PITPNM2: variants seen among roughly 807,000 people sequenced by gnomAD.
PITPNM2 encodes phosphatidylinositol transfer protein membrane associated 2.
Under a neutral mutation model 132.2 loss-of-function variants are expected in PITPNM2, and 35 were observed. The ratio of observed to expected loss-of-function variants is 0.26; its 90% CI spans 0.20 to 0.35. The LOEUF (loss-of-function observed/expected upper bound fraction) is 0.35. Ranked by LOEUF, PITPNM2 falls within the 10% of genes least tolerant of loss-of-function variation. The pLI is 1.00. For synonymous variants in PITPNM2, 738 were observed against 799.2 expected (o/e 0.92, Z 1.29); for missense variants, 1,332 against 1,912.0 (o/e 0.70, Z 5.66).
intron 5 of PITPNM2, among the ~76,000 whole-genome samples, chr12:123,012,210 C>T (rs2039237925): frequency 6.6e-6 from 1 of 152,242 alleles, no homozygotes; most frequent in Non-Finnish European, 1.5e-5. Flanking sequence ...GGGCCCATCC[C>T]CTACATGTCA....
At chr12:123,104,551 T>C (rs1013609581) in intron 2 of PITPNM2, among the ~76,000 whole-genome samples, 2 of 152,148 alleles carry the variant, frequency 1.3e-5, no homozygotes, top group African/African-American at 4.8e-5. Context: ...GAAAGTCCTT[T>C]TCCTGGCTCA....
At chr12:123,013,608 G>A (rs1231958905) in intron 4 of PITPNM2, among the ~76,000 whole-genome samples, 1 of 152,228 alleles carries the variant, frequency 6.6e-6, no homozygotes, top group Non-Finnish European at 1.5e-5. Flanking sequence ...CACGTAGGCA[G>A]TCAGGAGGCA....
intron 2 of PITPNM2, among the ~76,000 whole-genome samples, chr12:123,049,137 A>AACACACAC (rs35784732): frequency 6.8e-6 from 1 of 146,778 alleles, no homozygotes. Flanking sequence ...CTGTCTCTAA[A>AACACACAC]ACACACACAC....
At chr12:123,113,199 T>C (rs1415476161) in intron 1 of PITPNM2, among the ~76,000 whole-genome samples, 1 of 152,168 alleles carries the variant, frequency 6.6e-6, no homozygotes, top group Non-Finnish European at 1.5e-5. Context: ...GCTGCCGAAG[T>C]TAAACACTGC....
rs1213566882 is a variant in PITPNM2, at chr12:123,078,815, C to T, written c.-96+31570G>A. 6.6e-6 allele frequency among the ~76,000 whole-genome samples: 1 copy of T among 152,204 alleles called. No individual in the cohort carries two copies. Among genetic ancestry groups the T allele is most frequent in the African/African-American group, 2.4e-5 (1 of 41,454 alleles). On this transcript the variant is annotated intron_variant, in intron 2 of 25. Transcript: ENST00000320201. The surrounding 1 kb of genome is among the most constrained non-coding windows in gnomAD (Gnocchi z 7.3). ...CATCTCCCATCACGCCTGTGCCAGCCTCACTGCTGCAGCTGCCCACGTCCC... is the reference window on the plus strand; with the variant it reads ...CATCTCCCATCACGCCTGTGCCAGCTTCACTGCTGCAGCTGCCCACGTCCC...
Position 123,099,646 on chromosome 12 carries a change from T to C in PITPNM2, c.-96+10739A>G, listed in dbSNP as rs973705025. Among the ~76,000 whole-genome samples, 2 of 152,192 alleles carry C rather than the reference T, an allele frequency of 1.3e-5. No homozygotes were observed. Among genetic ancestry groups the C allele is most frequent in the Admixed American group, 6.5e-5 (1 of 15,284 alleles). ...CTTCTCTGTGCTACTGTTTTTTTAATGACCCAAACAGCTCCTGGCTCCTGG... is the reference window on the plus strand; with the variant it reads ...CTTCTCTGTGCTACTGTTTTTTTAACGACCCAAACAGCTCCTGGCTCCTGG... On this transcript the variant is annotated intron_variant, in intron 2 of 25. Transcript: ENST00000320201. The surrounding 1 kb of genome is among the most constrained non-coding windows in gnomAD (Gnocchi z 4.2).
chr12:123,012,325 C>A (rs367605987), intron 5 of PITPNM2, among the ~76,000 whole-genome samples: 3 of 152,146 alleles, frequency 2.0e-5, no homozygotes, highest in South Asian at 4.1e-4. Context: ...GATGGATGCC[C>A]GAGCCCATAT....
chr12:123,149,806 C>CT (rs1350980796), intron 1 of PITPNM2: 1 of 152,328 alleles, frequency 6.6e-6, no homozygotes, highest in African/African-American at 2.4e-5. Context: ...GGGGTCTATC[C>CT]TAGCAGCTCT....
At chr12:123,059,594 C>T (rs1330136637) in intron 2 of PITPNM2, among the ~76,000 whole-genome samples, 1 of 152,214 alleles carries the variant, frequency 6.6e-6, no homozygotes, top group Admixed American at 6.5e-5. Flanking sequence ...CTCTCTTGGA[C>T]AGTGGGAAGC....
intron 3 of PITPNM2, among the ~76,000 whole-genome samples, chr12:123,026,922 T>C (rs2039882968): frequency 6.6e-6 from 1 of 152,238 alleles, no homozygotes. Context: ...AAATCCAGAA[T>C]GATCTCATTT....
At position 123,005,144 on chromosome 12, in the gene PITPNM2, A is replaced by T. The variant is rs1245697575; in HGVS notation, c.952+96T>A. 1 of 1,419,768 alleles carries T rather than the reference A, an allele frequency of 7.0e-7. No individual in the cohort carries two copies. The highest frequency in any genetic ancestry group is 9.6e-7 in the Non-Finnish European group (1 of 1,041,522). 87.9% of individuals were successfully genotyped at this position (1,419,768 alleles called of 1,614,324 possible). ...GGCTTGGTGCCTCAATGTCCATGGG[A>T]AAGAACTCTGAGGAGGTGCAGTGAT... On this transcript the variant is annotated intron_variant, in intron 7 of 25. Transcript: ENST00000320201. This position sits in a 1 kb window ranked among gnomAD's most constrained non-coding sequence, Gnocchi z 6.2.
intron 1 of PITPNM2, among the ~76,000 whole-genome samples, chr12:123,133,791 A>AACACACACACAC (rs536799715): frequency 2.2e-4 from 20 of 89,780 alleles, no homozygotes; most frequent in African/African-American, 5.4e-4. Context: ...ATTATTAATG[A>AACACACACACAC]ACACACACAC....
intron 23 of PITPNM2, among the ~76,000 whole-genome samples, 184 bp downstream of exon 23, chr12:122,987,097 G>A (rs538176692): frequency 1.3e-5 from 2 of 152,358 alleles, no homozygotes; most frequent in African/African-American, 2.4e-5. Flanking sequence ...AAGTGACATC[G>A]CTTGCCCAAG....
At position 122,995,591 on chromosome 12, in the gene PITPNM2, C is replaced by A. The variant is rs546974578; in HGVS notation, c.1852G>T (p.Gly618Cys). The A allele has an allele frequency of 6.2e-7, 1 of 1,604,608 alleles. No individual in the cohort carries two copies. The highest frequency in any genetic ancestry group is 1.3e-5 in the African/African-American group (1 of 74,848). ...AHCCGGGGGG[G>C]GGGGSSGGGG... ...CCACCACTGCTGCCACCACCGCCAC[C>A]GCCGCCACCGCCACCACCGCAGCAG... Residue 618 changes from glycine to cysteine, a missense_variant, in exon 14 of 26, where the codon GGT (glycine) becomes TGT (cysteine). By Grantham distance (159) the Gly-to-Cys change is radical. Coordinates refer to ENST00000320201, the MANE Select transcript of PITPNM2 (RefSeq NM_020845.3).
chr12:123,079,731 T>A (rs1232356745), intron 2 of PITPNM2, among the ~76,000 whole-genome samples: 1 of 152,354 alleles, frequency 6.6e-6, no homozygotes, highest in Middle Eastern at 3.4e-3. Flanking sequence ...ATATTCACCA[T>A]CTAGATTCTA....
At chr12:123,024,329 G>A (rs1439568683) in intron 3 of PITPNM2, among the ~76,000 whole-genome samples, 3 of 152,194 alleles carry the variant, frequency 2.0e-5, no homozygotes, top group African/African-American at 4.8e-5. Flanking sequence ...TGGTGGGAAC[G>A]TAAAATGGTG....
intron 2 of PITPNM2, among the ~76,000 whole-genome samples, chr12:123,102,044 A>C (rs1285606084): frequency 1.3e-5 from 2 of 152,198 alleles, no homozygotes; most frequent in Admixed American, 1.3e-4. Flanking sequence ...AATAGTGCCC[A>C]CCACTAATTT....
intron 3 of PITPNM2, among the ~76,000 whole-genome samples, chr12:123,024,023 T>C (rs970166427): frequency 1.3e-5 from 2 of 152,138 alleles, no homozygotes; most frequent in Non-Finnish European, 2.9e-5. Context: ...AGAGGTGAAG[T>C]TGGCAGGATG....
rs1403861245 is a variant in PITPNM2 at position 123,117,965 on chromosome 12, T to C, written c.-199-7477A>G. On this transcript the variant is annotated intron_variant, in intron 1 of 25. Transcript: ENST00000320201. The surrounding 1 kb of genome is among the most constrained non-coding windows in gnomAD (Gnocchi z 4.7). The stretch of plus-strand genomic sequence containing the variant: ...CAGCCAGCTGACTGCACAGATTCAC[T>C]GGAGAACTCCAGGGGAGCCCCAAGG... Among the ~76,000 whole-genome samples the C allele has an allele frequency of 6.6e-6, 1 of 152,214 alleles. No homozygotes were observed. Among genetic ancestry groups the C allele is most frequent in the Non-Finnish European group, 1.5e-5 (1 of 68,034 alleles).
Sources: allele counts gnomAD v4.1 joint callset (sites outside exome capture counted in the v4.1 genomes callset), GRCh38; gene constraint gnomAD v4.1.1; non-coding constraint Gnocchi (gnomAD v3.1); transcripts MANE v1.5; gene names NCBI Gene and HGNC (gene_info 2026-07-23, HGNC 2026-07-21).